IVD: variants seen among roughly 807,000 people sequenced by gnomAD.
The protein encoded by IVD is isovaleryl-CoA dehydrogenase.
In IVD, 31 loss-of-function variants were observed where a neutral mutation model predicts 51.3. The observed-to-expected ratio is 0.60, with a 90% CI of 0.45 to 0.81. The LOEUF is 0.81. Ranked by LOEUF, IVD falls within the 40% of genes least tolerant of loss-of-function variation. IVD has a pLI of 0.00. For synonymous variants in IVD, 205 were observed against 219.4 expected (o/e 0.93, Z 0.58); for missense variants, 475 against 552.0 (o/e 0.86, Z 1.40).
chr15:40,414,714 G>C, intron 7 of IVD, 175 bp from the exon 8 acceptor site: 1 of 1,131,252 alleles, frequency 8.8e-7, no homozygotes, highest in South Asian at 1.4e-5. Flanking sequence ...CTCCACTTCT[G>C]ACTGGAAGGG....
intron 3 of IVD, among the ~76,000 whole-genome samples, chr15:40,410,054 T>C (rs1890894316): frequency 6.6e-6 from 1 of 152,112 alleles, no homozygotes; most frequent in Admixed American, 6.5e-5. Context: ...GCCAGGATGG[T>C]CTTGATCTCC....
At chr15:40,414,647 A>T (rs948736384) in intron 7 of IVD, 3 of 511,296 alleles carry the variant, frequency 5.9e-6, no homozygotes, top group Admixed American at 6.0e-5. Context: ...GAAGGGAAAG[A>T]TCTAACAACT....
At chr15:40,406,127 G>T (rs1239902001) in intron 1 of IVD, 156 bp downstream of exon 1, 1 of 1,538,386 alleles carries the variant, frequency 6.5e-7, no homozygotes, top group East Asian at 2.5e-5. Context: ...GGGACGCGGG[G>T]CCTCCGACCT....
At chr15:40,425,695 G>A (rs1344202379), downstream of IVD, among the ~76,000 whole-genome samples, 4 of 151,810 alleles carry the variant, frequency 2.6e-5, no homozygotes, top group Non-Finnish European at 4.4e-5. Flanking sequence ...TAATTTTTTT[G>A]TATTTTTTGT....
downstream of IVD, among the ~76,000 whole-genome samples, chr15:40,425,068 G>A (rs1892589166): frequency 6.6e-6 from 1 of 152,218 alleles, no homozygotes; most frequent in African/African-American, 2.4e-5. Flanking sequence ...GAAGGAAGCT[G>A]TGCTAAAAGA....
chr15:40,413,198 G>A (rs1351667139), intron 7 of IVD, 111 bp downstream of exon 7: 9 of 858,380 alleles, frequency 1.0e-5, no homozygotes, highest in South Asian at 8.5e-5. Flanking sequence ...CATTGTTAGC[G>A]CTTCAGTGAC....
chr15:40,424,909 T>C (rs1256728989), downstream of IVD, among the ~76,000 whole-genome samples: 1 of 152,222 alleles, frequency 6.6e-6, no homozygotes, highest in Non-Finnish European at 1.5e-5. Flanking sequence ...GCCAGAGCCC[T>C]GGCCTAATCC....
At chr15:40,421,864 CGGTGGAATGGGACTAGACCT>C (rs1156967686), downstream of IVD, among the ~76,000 whole-genome samples, 1 of 152,182 alleles carries the variant, frequency 6.6e-6, no homozygotes, top group Non-Finnish European at 1.5e-5. Flanking sequence ...GAGTTGCCCT[CGGTGGAATGGGACTAGACCT>C]GGTGTCAACA....
chr15:40,434,550 T>TA (rs1340759640), intron 8 of IVD, among the ~76,000 whole-genome samples: 1 of 152,138 alleles, frequency 6.6e-6, no homozygotes, highest in Non-Finnish European at 1.5e-5. Context: ...AATAAAGACT[T>TA]ACGGGCAAAG....
Position 40,407,640 on chromosome 15 carries a change from G to C in IVD, c.149G>C (p.Arg50Pro), listed in dbSNP as rs2229311. 41 of 1,613,942 alleles carry C rather than the reference G, an allele frequency of 2.5e-5. No homozygotes were observed. The highest frequency in any genetic ancestry group is 5.0e-5 in the Admixed American group (3 of 60,000). Residue 50 changes from arginine to proline, a missense_variant, in exon 2 of 12, where the codon CGT becomes CCT. Arg to Pro is a moderately radical substitution (Grantham distance 103). Coordinates refer to ENST00000487418, the MANE Select transcript of IVD (RefSeq NM_002225.5). The stretch of plus-strand genomic sequence containing the variant: ...TGTTTACCTCTCTCCTATTAGCTTC[G>C]TCAGACCATGGCTAAGTTCCTTCAG... ...NGLSEEQRQLRQTMAKFLQEH... is the reference protein window; with the variant it reads ...NGLSEEQRQLPQTMAKFLQEH...
chr15:40,418,272 C>A lies in IVD; in HGVS notation c.*9C>A, dbSNP rs1328271998. ...ATGCAGACTTTCACTAGTCCTGAGA[C>A]CCTTCGCCCCCTTTTCCTGCACCTA... On this transcript the variant is annotated 3_prime_UTR_variant, in exon 12 of 12. Coordinates refer to ENST00000487418, the MANE Select transcript of IVD (RefSeq NM_002225.5). 1.2e-6 allele frequency: 2 copies of A among 1,613,852 alleles called. No individual in the cohort carries two copies. Among genetic ancestry groups the A allele is most frequent in the Admixed American group, 1.7e-5 (1 of 60,024 alleles).
downstream of IVD, among the ~76,000 whole-genome samples, chr15:40,427,863 A>C (rs1485757544): frequency 6.6e-6 from 1 of 151,956 alleles, no homozygotes; most frequent in Non-Finnish European, 1.5e-5. Flanking sequence ...GAAGGGTGGG[A>C]GTCAGACCAG....
downstream of IVD, among the ~76,000 whole-genome samples, chr15:40,426,359 G>A (rs1160679695): frequency 1.3e-5 from 2 of 151,858 alleles, no homozygotes; most frequent in African/African-American, 4.8e-5. Flanking sequence ...CCAACATGGT[G>A]AAACCCTATC....
In IVD at chr15:40,419,536, G is replaced by T; in HGVS notation, c.*1273G>T. On this transcript the variant is annotated 3_prime_UTR_variant, in exon 12 of 12. Transcript: ENST00000487418. ...AAAAAAGGAAAGAAAAATAGGCTGG[G>T]CACAGTGACTCATGCCTGTAATCCC... is the stretch of plus-strand genomic sequence containing the variant. 1 of 210,016 alleles carries T rather than the reference G, an allele frequency of 4.8e-6. No homozygotes were observed. Among genetic ancestry groups the T allele is most frequent in the East Asian group, 1.2e-4 (1 of 8,584 alleles). The allele number at this position is 210,016 out of a possible 1,614,324, so 13.0% of individuals were successfully genotyped here.
chr15:40,422,585 C>CTTTTTTTTT (rs1157351420), downstream of IVD, among the ~76,000 whole-genome samples: 84 of 69,148 alleles, frequency 1.2e-3, 7 homozygotes, highest in African/African-American at 5.3e-3. Flanking sequence ...GCCCGGCCGA[C>CTTTTTTTTT]TTTTTTTTTT....
In IVD at chr15:40,418,146, C is replaced by A; in HGVS notation, c.1155C>A (p.Ile385=). The A allele has an allele frequency of 5.6e-6, 9 of 1,614,158 alleles. No homozygotes were observed. Among genetic ancestry groups the A allele is most frequent in the Non-Finnish European group, 7.6e-6 (9 of 1,180,030 alleles). The part of the protein sequence containing the change: ...GIQCFGGNGY[I]NDFPMGRFLR... ...TGGTTGCAGGTGGCAATGGCTACATCAATGACTTTCCCATGGGCCGCTTTC... is the reference window on the plus strand; with the variant it reads ...TGGTTGCAGGTGGCAATGGCTACATAAATGACTTTCCCATGGGCCGCTTTC... Residue 385 remains isoleucine, a synonymous_variant, in exon 12 of 12, where the codon ATC becomes ATA. Transcript: ENST00000487418.
chr15:40,416,194 C>A lies in IVD; in HGVS notation c.1065+12C>A. The A allele has an allele frequency of 1.2e-6, 2 of 1,613,864 alleles. No homozygotes were observed. The highest frequency in any genetic ancestry group is 1.7e-6 in the Non-Finnish European group (2 of 1,179,706). ...ATTGCACTGCTAAGGTGAGGGCCAG[C>A]CTCAGTCGGGGAGAGGCGGGGGCAG... On this transcript the variant is annotated intron_variant, in intron 10 of 11. Transcript: ENST00000487418.
At chr15:40,429,386 G>A (rs1291009555), downstream of IVD, among the ~76,000 whole-genome samples, 1 of 152,108 alleles carries the variant, frequency 6.6e-6, no homozygotes, top group Non-Finnish European at 1.5e-5. Context: ...AACAGTACGG[G>A]GCCAAAAAAG....
intron 7 of IVD, 172 bp from the exon 8 acceptor site, chr15:40,414,717 T>C: frequency 8.7e-7 from 1 of 1,154,082 alleles, no homozygotes; most frequent in Non-Finnish European, 1.2e-6. Context: ...CACTTCTGAC[T>C]GGAAGGGGTT....
Sources: gnomAD v4.1 joint callset for allele counts (sites outside exome capture counted in the v4.1 genomes callset) on GRCh38, gnomAD v4.1.1 for gene constraint, MANE v1.5 for transcripts, NCBI Gene and HGNC (gene_info 2026-07-23, HGNC 2026-07-21) for gene names.